Variants in RAB3GAP2 observed in about 807,000 individuals in gnomAD.
RAB3GAP2 encodes rab3 GTPase-activating protein non-catalytic subunit.
In RAB3GAP2, 87 loss-of-function variants were observed where a neutral mutation model predicts 185.3. The observed-to-expected ratio is 0.47, with a 90% confidence interval of 0.39 to 0.56. The LOEUF (loss-of-function observed/expected upper bound fraction) is 0.56, where lower values mean the gene tolerates loss of function less well. Ranked by LOEUF, RAB3GAP2 falls within the 20% of genes least tolerant of loss-of-function variation. The probability of loss-of-function intolerance (pLI) is 0.00; values close to 1 mark genes in which losing one functional copy is unlikely to be tolerated. For synonymous variants in RAB3GAP2, 554 were observed against 576.1 expected (o/e 0.96, Z 0.55); for missense variants, 1,492 against 1,638.2 (o/e 0.91, Z 1.54).
rs770097677 is a variant in RAB3GAP2 at position 220,212,987 on chromosome 1, CATATA to C, written c.305-24_305-20del. ...CATTTTGCTGTAAGAATTAAGATATCATATAAAATAATTTTAGCTATAATACACTA... is the reference window on the plus strand; with the variant it reads ...CATTTTGCTGTAAGAATTAAGATATCAAATAATTTTAGCTATAATACACTA... On this transcript the variant is annotated intron_variant, in intron 3 of 34. Coordinates refer to ENST00000358951, the MANE Select transcript of RAB3GAP2 (RefSeq NM_012414.4). 1.3e-5 allele frequency: 20 copies of C among 1,561,642 alleles called. No individual in the cohort carries two copies. The East Asian group carries it at 2.1e-4, about 16-fold the overall frequency.
chr1:220,180,563 T>G (rs1174489117), intron 21 of RAB3GAP2, among the ~76,000 whole-genome samples: 3 of 152,116 alleles, frequency 2.0e-5, no homozygotes, highest in Non-Finnish European at 4.4e-5. Context: ...AAACCAGTAA[T>G]GGGTAACGAG....
At chr1:220,262,069 C>T (rs1173169992) in intron 1 of RAB3GAP2, among the ~76,000 whole-genome samples, 1 of 150,526 alleles carries the variant, frequency 6.6e-6, no homozygotes, top group Non-Finnish European at 1.5e-5. Context: ...GCGGGCAGAT[C>T]ACGAGGTCAG....
chr1:220,262,964 CTGA>C (rs1660167843), intron 1 of RAB3GAP2, among the ~76,000 whole-genome samples: 1 of 149,186 alleles, frequency 6.7e-6, no homozygotes, highest in Non-Finnish European at 1.5e-5. Context: ...TCACCATATC[CTGA>C]TACTTTTTTT....
Position 220,205,970 on chromosome 1 carries a change from C to A in RAB3GAP2, c.649G>T (p.Val217Leu), listed in dbSNP as rs1199525400. 6.2e-7 allele frequency: 1 copy of A among 1,610,484 alleles called. No individual in the cohort carries two copies. Residue 217 changes from valine to leucine, a missense_variant, in exon 8 of 35, where the codon GTG becomes TTG. Physicochemically the swap from Val to Leu is conservative, Grantham distance 32. Transcript: ENST00000358951. ...AAAAGGCTAAATCCATCAATAGTCA[C>A]AATGGCAGCTGGATATAAGATACTC... ...ELSILYPAAI[V>L]TIDGFSLFQS...
At chr1:220,178,086 T>C (rs1465110535) in intron 21 of RAB3GAP2, among the ~76,000 whole-genome samples, 2 of 152,148 alleles carry the variant, frequency 1.3e-5, no homozygotes, top group East Asian at 1.9e-4. Context: ...TCCAATATGC[T>C]TGGTAGCAGA....
chr1:220,183,134 C>A (rs192999728), intron 19 of RAB3GAP2, among the ~76,000 whole-genome samples: 1 of 152,144 alleles, frequency 6.6e-6, no homozygotes, highest in African/African-American at 2.4e-5. Context: ...TGAAACACTG[C>A]ATGTTTGGTA....
At chr1:220,168,953 T>G (rs1211004212) in intron 24 of RAB3GAP2, among the ~76,000 whole-genome samples, 1 of 152,238 alleles carries the variant, frequency 6.6e-6, no homozygotes, top group Non-Finnish European at 1.5e-5. Flanking sequence ...ACAAAAAGAA[T>G]GCTTCACAGT....
chr1:220,250,196 G>T (rs566022955), intron 1 of RAB3GAP2, among the ~76,000 whole-genome samples: 28 of 152,180 alleles, frequency 1.8e-4, no homozygotes, highest in South Asian at 1.0e-3. Context: ...AAAGCCACAG[G>T]GGGGGAGCTG....
At chr1:220,177,879 G>A (rs1020856597) in intron 21 of RAB3GAP2, among the ~76,000 whole-genome samples, 1 of 152,070 alleles carries the variant, frequency 6.6e-6, no homozygotes, top group Admixed American at 6.6e-5. Context: ...GAAAGACAAA[G>A]GAGTAGAACG....
chr1:220,151,808 G>A (rs749420575), intron 33 of RAB3GAP2, 44 bp from the exon 34 acceptor site: 2 of 1,546,688 alleles, frequency 1.3e-6, no homozygotes, highest in Non-Finnish European at 1.8e-6. Context: ...AGAGTGAGCA[G>A]ATTTGTTTAT....
At position 220,150,040 on chromosome 1, in the gene RAB3GAP2, A is replaced by G. The variant is rs1338299760; in HGVS notation, c.*1211T>C. ...GGCTACATTCTAAAAATATACCACA[A>G]TAAATACTTGGTATTTGTAGAGCTC... is the stretch of plus-strand genomic sequence containing the variant. On this transcript the variant is annotated 3_prime_UTR_variant, in exon 35 of 35. Coordinates refer to ENST00000358951, the MANE Select transcript of RAB3GAP2 (RefSeq NM_012414.4). 6.6e-6 allele frequency: 1 copy of G among 151,894 alleles called. No individual in the cohort carries two copies. The highest frequency in any genetic ancestry group is 1.5e-5 in the Non-Finnish European group (1 of 67,960). 9.4% of individuals were successfully genotyped at this position (151,894 alleles called of 1,614,324 possible).
intron 21 of RAB3GAP2, among the ~76,000 whole-genome samples, chr1:220,178,785 T>C (rs1658342451): frequency 6.6e-6 from 1 of 152,054 alleles, no homozygotes; most frequent in East Asian, 1.9e-4. Flanking sequence ...TAGTAGGACC[T>C]TACCAATCAA....
Position 220,157,664 on chromosome 1 carries a change from C to T in RAB3GAP2, c.3336+138G>A, listed in dbSNP as rs148630360. The T allele has an allele frequency of 2.3e-4, 235 of 1,040,160 alleles. No homozygotes were observed. The East Asian group carries it at 6.0e-3, about 26-fold the overall frequency. The allele number at this position is 1,040,160 out of a possible 1,614,324, so 64.4% of individuals were successfully genotyped here. A position where few individuals can be genotyped will look rare whatever the true frequency, so the allele number is the denominator to read the frequency against. ...GAATTTAATAAGAAAACATCACTAC[C>T]TTCTGGGCTCAAGTCAAAATTTAGA... is the stretch of plus-strand genomic sequence containing the variant. On this transcript the variant is annotated intron_variant, in intron 30 of 34. Coordinates refer to ENST00000358951, the MANE Select transcript of RAB3GAP2 (RefSeq NM_012414.4).
At chr1:220,194,102 A>G (rs1658677931) in intron 12 of RAB3GAP2, among the ~76,000 whole-genome samples, 1 of 152,214 alleles carries the variant, frequency 6.6e-6, no homozygotes, top group African/African-American at 2.4e-5. Context: ...TTTAATAATT[A>G]GTTGGCTCTT....
At chr1:220,167,991 A>C (rs1658104137) in intron 24 of RAB3GAP2, among the ~76,000 whole-genome samples, 3 of 152,256 alleles carry the variant, frequency 2.0e-5, no homozygotes, top group African/African-American at 7.2e-5. Flanking sequence ...GAGACAAAAA[A>C]AATTAATATA....
At position 220,153,291 on chromosome 1, in the gene RAB3GAP2, G is replaced by A. The variant is rs776641531; in HGVS notation, c.3761C>T (p.Ala1254Val). 33 of 1,614,022 alleles carry A rather than the reference G, an allele frequency of 2.0e-5. No homozygotes were observed. Among genetic ancestry groups the A allele is most frequent in the Non-Finnish European group, 2.5e-5 (29 of 1,179,990 alleles). Residue 1254 changes from alanine to valine, a missense_variant, in exon 33 of 35, where the codon GCT becomes GTT. Physicochemically the swap from Ala to Val is moderately conservative, Grantham distance 64 (BLOSUM62 0). Around this residue, in one of 5 missense-constraint regions of RAB3GAP2, gnomAD observed 387 missense variants for 455.3 expected, o/e 0.85. Transcript: ENST00000358951. ...GTGATGGGCTAAATCCACAGCTAGA[G>A]CTGGCCAATCTTGGTCTTTCCCAAA... ...TPFGKDQDWP[A>V]LAVDLAHHLQ...
chr1:220,207,869 C>T (rs757062115), intron 7 of RAB3GAP2: 1 of 152,176 alleles, frequency 6.6e-6, no homozygotes, highest in Non-Finnish European at 1.5e-5. Flanking sequence ...TCCTCTCTTT[C>T]GAATCCTCTC....
intron 28 of RAB3GAP2, among the ~76,000 whole-genome samples, chr1:220,161,236 A>G (rs1312254617): frequency 1.3e-5 from 2 of 152,198 alleles, no homozygotes; most frequent in Non-Finnish European, 2.9e-5. Context: ...AATGTTATCA[A>G]TAACATCAAA....
chr1:220,217,901 C>T (rs1230805345), intron 2 of RAB3GAP2, among the ~76,000 whole-genome samples: 1 of 152,148 alleles, frequency 6.6e-6, no homozygotes. Flanking sequence ...GCCTAAAACT[C>T]GGTGTCAGAT....
Sources: allele counts gnomAD v4.1 joint callset (sites outside exome capture counted in the v4.1 genomes callset), GRCh38; gene constraint gnomAD v4.1.1; regional missense constraint gnomAD v4.1.1; transcripts MANE v1.5; gene names NCBI Gene and HGNC (gene_info 2026-07-23, HGNC 2026-07-21).